SLCO3A1: variants seen among roughly 807,000 people sequenced by gnomAD.
SLCO3A1 encodes solute carrier organic anion transporter family member 3A1, also known as PGE1 transporter.
A neutral mutation model predicts 63.1 loss-of-function variants in SLCO3A1; 27 were observed. The observed-to-expected ratio is 0.43, with a 90% confidence interval of 0.32 to 0.59. The LOEUF (loss-of-function observed/expected upper bound fraction) is 0.59. SLCO3A1 is among the 20% of genes least tolerant of loss of function. SLCO3A1 has a pLI of 0.09. For missense variants in SLCO3A1, 773 were observed against 945.8 expected, an observed-to-expected ratio of 0.82 and a Z score of 2.40; for synonymous variants, 473 against 409.9, an observed-to-expected ratio of 1.15 and a Z score of -1.86.
intron 2 of SLCO3A1, among the ~76,000 whole-genome samples, chr15:92,084,232 A>G (rs866584435): frequency 2.0e-5 from 3 of 152,250 alleles, no homozygotes; most frequent in African/African-American, 7.2e-5. Context: ...TAAAAAAAGC[A>G]GAGTTTACCT....
chr15:91,987,177 G>C (rs1039127790), intron 2 of SLCO3A1, among the ~76,000 whole-genome samples: 2 of 152,184 alleles, frequency 1.3e-5, no homozygotes, highest in African/African-American at 4.8e-5. Flanking sequence ...GCAATAATCA[G>C]ATAATAAGGG....
chr15:91,861,360 A>C (rs992016833), intron 1 of SLCO3A1, among the ~76,000 whole-genome samples: 2 of 152,154 alleles, frequency 1.3e-5, no homozygotes, highest in Non-Finnish European at 2.9e-5. Context: ...GTGACTCCCA[A>C]CTTCTTTATT....
chr15:92,106,662 A>C (rs1439549716), intron 4 of SLCO3A1, among the ~76,000 whole-genome samples: 2 of 152,218 alleles, frequency 1.3e-5, no homozygotes, highest in Non-Finnish European at 2.9e-5. Flanking sequence ...TAAAAAGATT[A>C]AAAAGATACA....
At position 92,147,072 on chromosome 15, in the gene SLCO3A1, A is replaced by T. The variant is rs1009104246; in HGVS notation, c.1601A>T (p.Glu534Val). 1 of 1,614,028 alleles carries T rather than the reference A, an allele frequency of 6.2e-7. No individual in the cohort carries two copies. The highest frequency in any genetic ancestry group is 1.3e-5 in the African/African-American group (1 of 74,920). ...AAATGCCCCAGTCCTGGGTGCCAAG[A>T]GGCCTTCCTCACTTTCCTCTGTGTG... ...PGKCPSPGCQ[E>V]AFLTFLCVMC... Residue 534 changes from glutamate to valine, a missense_variant, in exon 8 of 10, where the codon GAG (glutamate) becomes GTG (valine). This residue lies in a region of SLCO3A1 where 565 missense variants were observed against 749.8 expected (regional missense o/e 0.75). Transcript: ENST00000318445.
intron 1 of SLCO3A1, among the ~76,000 whole-genome samples, chr15:91,905,123 A>G (rs1898263013): frequency 6.6e-6 from 1 of 152,234 alleles, no homozygotes; most frequent in African/African-American, 2.4e-5. Flanking sequence ...CCTGGGAACC[A>G]AAGCAAACAG....
At chr15:92,122,317 G>A (rs2047872284) in intron 5 of SLCO3A1, among the ~76,000 whole-genome samples, 1 of 152,238 alleles carries the variant, frequency 6.6e-6, no homozygotes, top group South Asian at 2.1e-4. Flanking sequence ...TAAAGTAGGA[G>A]TCAGATTGTC....
chr15:92,030,764 A>C (rs951164819), intron 2 of SLCO3A1, among the ~76,000 whole-genome samples: 1 of 152,090 alleles, frequency 6.6e-6, no homozygotes, highest in African/African-American at 2.4e-5. Flanking sequence ...GCCATGCCTC[A>C]CCTGTGCTTC....
At chr15:92,068,602 G>A (rs1369801346) in intron 2 of SLCO3A1, among the ~76,000 whole-genome samples, 1 of 152,074 alleles carries the variant, frequency 6.6e-6, no homozygotes, top group Non-Finnish European at 1.5e-5. Context: ...TGCTTGCTGG[G>A]GCCACAACGC....
intron 2 of SLCO3A1, among the ~76,000 whole-genome samples, chr15:92,057,590 C>G (rs976303165): frequency 6.6e-6 from 1 of 152,208 alleles, no homozygotes; most frequent in African/African-American, 2.4e-5. Context: ...ATAGATTTTC[C>G]TCAGGCCCCA....
At chr15:92,109,826 C>T (rs2047707565) in intron 4 of SLCO3A1, among the ~76,000 whole-genome samples, 1 of 152,086 alleles carries the variant, frequency 6.6e-6, no homozygotes. Flanking sequence ...TGTTACTTAC[C>T]TCTGTCCTGA....
intron 2 of SLCO3A1, among the ~76,000 whole-genome samples, chr15:91,956,866 T>C (rs1420425944): frequency 1.6e-5 from 2 of 128,356 alleles, no homozygotes; most frequent in African/African-American, 6.1e-5. Flanking sequence ...CTCAGCTCAC[T>C]GCAGCCTCCA....
At chr15:91,905,683 A>G (rs564113548) in intron 1 of SLCO3A1, among the ~76,000 whole-genome samples, 1 of 151,854 alleles carries the variant, frequency 6.6e-6, no homozygotes, top group African/African-American at 2.4e-5. Flanking sequence ...ATGCTACATA[A>G]TATATATTTT....
chr15:92,128,853 A>G (rs1000152743), intron 7 of SLCO3A1, among the ~76,000 whole-genome samples: 1 of 152,150 alleles, frequency 6.6e-6, no homozygotes, highest in Non-Finnish European at 1.5e-5. Context: ...AAAACCATTT[A>G]TCAGGAAAGA....
chr15:92,087,516 A>ATTTTTTTTTTTTTTTTTTTTTTTTTT, intron 2 of SLCO3A1, among the ~76,000 whole-genome samples: 1 of 121,768 alleles, frequency 8.2e-6, no homozygotes, highest in Non-Finnish European at 1.7e-5. Context: ...ATTATCTATT[A>ATTTTTTTTTTTTTTTTTTTTTTTTTT]TTTTTTTTTT....
intron 5 of SLCO3A1, among the ~76,000 whole-genome samples, chr15:92,124,621 C>T (rs1018701205): frequency 7.2e-5 from 11 of 151,904 alleles, no homozygotes; most frequent in African/African-American, 2.2e-4. Flanking sequence ...GGTTTTTGTC[C>T]ACAGGAAAGC....
At chr15:91,963,896 C>T (rs914871482) in intron 2 of SLCO3A1, among the ~76,000 whole-genome samples, 6 of 152,104 alleles carry the variant, frequency 3.9e-5, no homozygotes, top group Non-Finnish European at 7.4e-5. Flanking sequence ...GCTGCTATTT[C>T]GGGTGGCCAG....
chr15:91,946,166 G>C (rs1389873003), intron 2 of SLCO3A1, among the ~76,000 whole-genome samples: 1 of 152,212 alleles, frequency 6.6e-6, no homozygotes, highest in Non-Finnish European at 1.5e-5. Context: ...GCTGAGAGCA[G>C]GCCTCTTGTA....
chr15:92,099,064 A>G (rs528178783), intron 3 of SLCO3A1, among the ~76,000 whole-genome samples: 1 of 152,338 alleles, frequency 6.6e-6, no homozygotes, highest in East Asian at 1.9e-4. Flanking sequence ...TTCCATGGAC[A>G]AAGGCCTTGC....
chr15:91,866,604 G>A (rs892110792), intron 1 of SLCO3A1, among the ~76,000 whole-genome samples: 2 of 148,746 alleles, frequency 1.3e-5, no homozygotes, highest in African/African-American at 2.5e-5. Context: ...AAAAAAAAAT[G>A]TCAGCTTGAT....
Sources: allele counts gnomAD v4.1 joint callset (sites outside exome capture counted in the v4.1 genomes callset), GRCh38; gene constraint gnomAD v4.1.1; regional missense constraint gnomAD v4.1.1; transcripts MANE v1.5; gene names NCBI Gene and HGNC (gene_info 2026-07-23, HGNC 2026-07-21).